The following RAP1GAP2 variants were observed in gnomAD, a reference collection of about 807,000 sequenced individuals.
The protein encoded by RAP1GAP2 is RAP1 GTPase activating protein 2, also known as rap1 GTPase-activating protein 2.
RAP1GAP2 carries 27 observed loss-of-function variants against 95.0 expected under a neutral mutation model. The observed-to-expected ratio is 0.28, with a 90% confidence interval of 0.21 to 0.39. The LOEUF is 0.39. Among genes scored for constraint, RAP1GAP2 ranks in the 10% least tolerant of loss-of-function variants. RAP1GAP2 has a pLI of 1.00. For synonymous variants in RAP1GAP2, 373 were observed against 380.9 expected (o/e 0.98, Z 0.24); for missense variants, 771 against 970.0 (o/e 0.79, Z 2.72).
At chr17:2,804,022 T>C (rs777193886) in intron 2 of RAP1GAP2, among the ~76,000 whole-genome samples, 16 of 152,190 alleles carry the variant, frequency 1.1e-4, no homozygotes, top group Non-Finnish European at 2.2e-4. Context: ...GCATTTCTGG[T>C]GAATTGATGA....
intron 22 of RAP1GAP2, 31 bp from the exon 23 acceptor site, chr17:3,030,891 A>T: frequency 1.3e-6 from 2 of 1,558,268 alleles, no homozygotes; most frequent in Non-Finnish European, 1.8e-6. Context: ...CCACAGCTCC[A>T]CCCTCCTTTC....
intron 2 of RAP1GAP2, among the ~76,000 whole-genome samples, chr17:2,854,315 G>T (rs1461532281): frequency 1.3e-5 from 2 of 152,188 alleles, no homozygotes; most frequent in Admixed American, 1.3e-4. Flanking sequence ...TCGGAGGGCC[G>T]CTGGGAGGGC....
intron 2 of RAP1GAP2, among the ~76,000 whole-genome samples, chr17:2,886,773 G>A (rs1014231474): frequency 4.6e-5 from 7 of 152,232 alleles, no homozygotes; most frequent in East Asian, 3.9e-4. Flanking sequence ...ACACCAGAGC[G>A]GCAGGGGTCG....
In RAP1GAP2 at chr17:3,026,177, G is replaced by T. The variant is rs1047632684; in HGVS notation, c.1865+56G>T. ...TCGGCCACGTGGAGCCCTGGAACAC[G>T]CCCTCTGCCTCCTGGCCAGCTGAGA... On this transcript the variant is annotated intron_variant, in intron 20 of 24. Transcript: ENST00000254695. 9.1e-6 allele frequency: 13 copies of T among 1,421,370 alleles called. No homozygotes were observed. The East Asian group carries it at 1.7e-4, about 18-fold the overall frequency. 88.0% of individuals were successfully genotyped at this position (1,421,370 alleles called of 1,614,324 possible).
At chr17:2,948,474 G>A (rs2043790617) in intron 3 of RAP1GAP2, among the ~76,000 whole-genome samples, 1 of 152,080 alleles carries the variant, frequency 6.6e-6, no homozygotes, top group Non-Finnish European at 1.5e-5. Context: ...GTGGATGCCT[G>A]TCTGCAGGAG....
intron 2 of RAP1GAP2, among the ~76,000 whole-genome samples, chr17:2,818,320 TA>T (rs1310950287): frequency 3.2e-4 from 48 of 149,930 alleles, no homozygotes; most frequent in African/African-American, 1.1e-3. Flanking sequence ...TTTATTTATT[TA>T]TTTATTTATT....
chr17:2,842,711 C>G (rs1241699488), intron 2 of RAP1GAP2, among the ~76,000 whole-genome samples: 1 of 151,944 alleles, frequency 6.6e-6, no homozygotes, highest in Non-Finnish European at 1.5e-5. Flanking sequence ...GTGTGAGGCT[C>G]TGGGTGTGAG....
chr17:3,000,072 C>T (rs577447580), intron 14 of RAP1GAP2, among the ~76,000 whole-genome samples: 4 of 152,300 alleles, frequency 2.6e-5, no homozygotes, highest in African/African-American at 9.6e-5. Flanking sequence ...CTCAGCCTCC[C>T]AAGTAGCTGG....
At chr17:2,816,065 G>A (rs1359627782) in intron 2 of RAP1GAP2, among the ~76,000 whole-genome samples, 2 of 152,182 alleles carry the variant, frequency 1.3e-5, no homozygotes, top group African/African-American at 2.4e-5. Flanking sequence ...CAGCACCTGG[G>A]CTGAGCTCTG....
intron 3 of RAP1GAP2, among the ~76,000 whole-genome samples, chr17:2,915,894 T>G (rs911580844): frequency 6.6e-6 from 1 of 152,004 alleles, no homozygotes; most frequent in African/African-American, 2.4e-5. Flanking sequence ...GAAACGGGGT[T>G]TCACCACGTT....
At position 2,902,241 on chromosome 17, in the gene RAP1GAP2, G is replaced by A. The variant is rs1190997853; in HGVS notation, c.81-3043G>A. On this transcript the variant is annotated intron_variant, in intron 2 of 24. Transcript: ENST00000254695. The surrounding 1 kb of genome is among the most constrained non-coding windows in gnomAD (Gnocchi z 4.1). ...CCTTCTTTTTTTTTTTTTTGAGATG[G>A]AGTCTTGCTCTGTCACCCGAGCTGG... Among the ~76,000 whole-genome samples the A allele has an allele frequency of 6.6e-6, 1 of 150,774 alleles. No homozygotes were observed. Among genetic ancestry groups the A allele is most frequent in the African/African-American group, 2.4e-5 (1 of 40,904 alleles).
rs1712256240 is a variant in RAP1GAP2, at chr17:2,902,382, A to G, written c.81-2902A>G. Among the ~76,000 whole-genome samples the G allele has an allele frequency of 6.6e-6, 1 of 152,148 alleles. No homozygotes were observed. The highest frequency in any genetic ancestry group is 2.4e-5 in the African/African-American group (1 of 41,510). On this transcript the variant is annotated intron_variant, in intron 2 of 24. Coordinates refer to ENST00000254695, the MANE Select transcript of RAP1GAP2 (RefSeq NM_015085.5). This position sits in a 1 kb window ranked among gnomAD's most constrained non-coding sequence, Gnocchi z 4.1. ...CAGGCACACGCCACCATGCCTGGCT[A>G]ATTTTTGTATTTTTAGTAGAGACGG...
chr17:2,771,580 G>A (rs1198468292), intron 2 of RAP1GAP2, among the ~76,000 whole-genome samples: 1 of 142,332 alleles, frequency 7.0e-6, no homozygotes, highest in Non-Finnish European at 1.5e-5. Flanking sequence ...TGCAACCTCC[G>A]CCTCCTGGAG....
chr17:2,847,710 A>G (rs1213490530), intron 2 of RAP1GAP2, among the ~76,000 whole-genome samples: 2 of 152,094 alleles, frequency 1.3e-5, no homozygotes, highest in African/African-American at 4.8e-5. Context: ...TGGCTTCAGG[A>G]GTAGCAGCAG....
upstream of RAP1GAP2, among the ~76,000 whole-genome samples, chr17:2,774,285 C>A (rs1230450428): frequency 6.6e-6 from 1 of 152,088 alleles, no homozygotes; most frequent in Non-Finnish European, 1.5e-5. Flanking sequence ...GAAGGTCCTG[C>A]TGTTCTGAGG....
At chr17:2,787,935 C>T (rs2068828875) in intron 1 of RAP1GAP2, among the ~76,000 whole-genome samples, 1 of 152,182 alleles carries the variant, frequency 6.6e-6, no homozygotes, top group Non-Finnish European at 1.5e-5. Context: ...AGTGCTACCT[C>T]GTTATTTTCA....
At chr17:2,809,950 C>T (rs567327637) in intron 2 of RAP1GAP2, among the ~76,000 whole-genome samples, 66 of 151,926 alleles carry the variant, frequency 4.3e-4, no homozygotes, top group African/African-American at 1.6e-3. Context: ...TCTGGGGCAG[C>T]TAGCAGGGAG....
chr17:2,884,845 C>T (rs1054755006), intron 2 of RAP1GAP2, among the ~76,000 whole-genome samples: 4 of 152,108 alleles, frequency 2.6e-5, no homozygotes, highest in East Asian at 3.9e-4. Context: ...AGTAATCATA[C>T]GCGTCACAGC....
In RAP1GAP2 at chr17:2,800,489, C is replaced by T. The variant is rs150489003; in HGVS notation, c.45-26C>T. 2,877 of 1,609,242 alleles carry T rather than the reference C, an allele frequency of 1.8e-3. 4 individuals carry two copies. Among genetic ancestry groups the T allele is most frequent in the Non-Finnish European group, 2.3e-3 (2,709 of 1,177,858 alleles). The stretch of plus-strand genomic sequence containing the variant: ...AGGAGTCTTCAGCCTCAGCACTGAC[C>T]GGAGCCCTTGCTTTTCTCTTGGCAG... On this transcript the variant is annotated intron_variant, in intron 1 of 24. Transcript: ENST00000254695.
Sources: gnomAD v4.1 joint callset for allele counts (sites outside exome capture counted in the v4.1 genomes callset) on GRCh38, gnomAD v4.1.1 for gene constraint, Gnocchi (gnomAD v3.1) non-coding constraint, MANE v1.5 for transcripts, NCBI Gene and HGNC (gene_info 2026-07-23, HGNC 2026-07-21) for gene names.